The following NDC1 variants were observed in gnomAD, a reference collection of about 807,000 sequenced individuals.
NDC1 encodes NDC1 transmembrane nucleoporin, also known as nucleoporin NDC1.
A neutral mutation model predicts 89.8 loss-of-function variants in NDC1; 24 were observed. The ratio of observed to expected loss-of-function variants is 0.27; its 90% CI spans 0.19 to 0.38. The LOEUF is 0.38. Ranked by LOEUF, NDC1 falls within the 10% of genes least tolerant of loss-of-function variation. The pLI is 1.00. For synonymous variants in NDC1, 296 were observed against 284.8 expected, an observed-to-expected ratio of 1.04 and a Z score of -0.39; for missense variants, 728 against 797.6, an observed-to-expected ratio of 0.91 and a Z score of 1.05.
At chr1:53,771,469 G>A (rs1343323929) in intron 17 of NDC1, among the ~76,000 whole-genome samples, 1 of 152,152 alleles carries the variant, frequency 6.6e-6, no homozygotes, top group Non-Finnish European at 1.5e-5. Context: ...AGTTCTAAGT[G>A]TATTGTCTAG....
Position 53,765,564 on chromosome 1 carries a change from C to T in NDC1, c.*2406G>A, listed in dbSNP as rs1300536824. 6.6e-6 allele frequency: 1 copy of T among 152,100 alleles called. No individual in the cohort carries two copies. The highest frequency in any genetic ancestry group is 2.4e-5 in the African/African-American group (1 of 41,410). 9.4% of individuals were successfully genotyped at this position (152,100 alleles called of 1,614,324 possible). On this transcript the variant is annotated 3_prime_UTR_variant, in exon 18 of 18. Transcript: ENST00000371429. ...ATAAACAGACTATCATGAATATTTA[C>T]AGGATGACACACCAAACAATTACCA...
intron 17 of NDC1, among the ~76,000 whole-genome samples, chr1:53,769,617 C>T (rs1266873179): frequency 1.3e-5 from 2 of 152,184 alleles, no homozygotes; most frequent in Admixed American, 6.5e-5. Flanking sequence ...ATTTTCAGAG[C>T]TCAAGAGCTA....
At chr1:53,794,304 C>T (rs556613830) in intron 13 of NDC1, among the ~76,000 whole-genome samples, 11 of 152,178 alleles carry the variant, frequency 7.2e-5, no homozygotes, top group Admixed American at 3.9e-4. Flanking sequence ...TTGACAATTC[C>T]GGGGGAAAAA....
chr1:53,796,579 A>AT lies in NDC1; in HGVS notation c.1584+109dup, dbSNP rs1257687465. 66 of 624,260 alleles carry AT rather than the reference A, an allele frequency of 1.1e-4. No homozygotes were observed. In the East Asian group the frequency reaches 1.4e-3, roughly 13 times the overall value. The allele number at this position is 624,260 out of a possible 1,614,324, so 38.7% of individuals were successfully genotyped here. On this transcript the variant is annotated intron_variant, in intron 13 of 17. Coordinates refer to ENST00000371429, the MANE Select transcript of NDC1 (RefSeq NM_018087.5). ...TTTCATTTGAGTCAATACACGAAGC[A>AT]TAAAAAAAAAAAAAAAAAAGCTTCT...
rs746836479 is a variant in NDC1, at chr1:53,796,677, A to G, written c.1584+12T>C. 5.2e-6 allele frequency: 8 copies of G among 1,527,124 alleles called. No individual in the cohort carries two copies. The highest frequency in any genetic ancestry group is 7.2e-6 in the Non-Finnish European group (8 of 1,117,622). The allele number at this position is 1,527,124 out of a possible 1,614,324, so 94.6% of individuals were successfully genotyped here. A position where few individuals can be genotyped will look rare whatever the true frequency, so the allele number is the denominator to read the frequency against. The stretch of plus-strand genomic sequence containing the variant: ...ACATGCAAATATAAATCCTATAACC[A>G]TATCATCCTACCTGTTCACGTTTAT... On this transcript the variant is annotated intron_variant, in intron 13 of 17. Coordinates refer to ENST00000371429, the MANE Select transcript of NDC1 (RefSeq NM_018087.5).
In NDC1 at chr1:53,793,241, A is replaced by G; in HGVS notation, c.1623T>C (p.Tyr541=). Residue 541 remains tyrosine, a synonymous_variant, in exon 14 of 18, where the codon TAT becomes TAC. Coordinates refer to ENST00000371429, the MANE Select transcript of NDC1 (RefSeq NM_018087.5). ...CACATATTCTTACCTTACTGAAAAA[A>G]TACATTATCAGCACCCGTTTTGACA... ...NFLSKRVLIM[Y]FFSKHPEASI... 1.9e-6 allele frequency: 3 copies of G among 1,611,612 alleles called. No individual in the cohort carries two copies. The highest frequency in any genetic ancestry group is 2.5e-6 in the Non-Finnish European group (3 of 1,177,670).
intron 5 of NDC1, among the ~76,000 whole-genome samples, chr1:53,825,548 G>A (rs1648826366): frequency 6.6e-6 from 1 of 152,054 alleles, no homozygotes; most frequent in African/African-American, 2.4e-5. Context: ...TACCTAGCAG[G>A]GAGGGAAACA....
intron 16 of NDC1, among the ~76,000 whole-genome samples, chr1:53,785,782 C>A (rs1647288162): frequency 6.6e-6 from 1 of 152,022 alleles, no homozygotes; most frequent in Non-Finnish European, 1.5e-5. Context: ...CATCATGTTG[C>A]CCAGGCTTCT....
At chr1:53,772,664 AACAT>A (rs1647125823) in intron 16 of NDC1, among the ~76,000 whole-genome samples, 175 bp from the exon 17 acceptor site, 1 of 70,750 alleles carries the variant, frequency 1.4e-5, no homozygotes, top group African/African-American at 4.3e-5. Context: ...GTCTCAAAAT[AACAT>A]AACATAACAT....
intron 6 of NDC1, among the ~76,000 whole-genome samples, chr1:53,810,661 C>T (rs575848715): frequency 6.6e-5 from 10 of 152,220 alleles, no homozygotes; most frequent in African/African-American, 2.4e-4. Flanking sequence ...TCCCAGTACT[C>T]TGGGAGGCCA....
intron 11 of NDC1, among the ~76,000 whole-genome samples, chr1:53,800,332 C>CTTTTTTTTTT: frequency 1.2e-5 from 1 of 80,646 alleles, no homozygotes; most frequent in Non-Finnish European, 2.2e-5. Context: ...CTACAGTCAT[C>CTTTTTTTTTT]TTTTTTTTTT....
In NDC1 at chr1:53,772,696, CAT is replaced by C. The variant is rs1647126641; in HGVS notation, c.1801-209_1801-208del. Among the ~76,000 whole-genome samples the C allele has an allele frequency of 5.3e-5, 8 of 151,252 alleles. 1 individual carries two copies. In the South Asian group the frequency reaches 1.7e-3, roughly 32 times the overall value. On this transcript the variant is annotated intron_variant, in intron 16 of 17. Coordinates refer to ENST00000371429, the MANE Select transcript of NDC1 (RefSeq NM_018087.5). ...CATAACATAACATAACATAACATAA[CAT>C]AACATAACATAACATAACATAACAA...
chr1:53,804,475 ATTT>A, intron 9 of NDC1, among the ~76,000 whole-genome samples: 2 of 150,334 alleles, frequency 1.3e-5, no homozygotes, highest in African/African-American at 4.9e-5. Flanking sequence ...GTGATACCTA[ATTT>A]TTTTTTTCCT....
intron 5 of NDC1, among the ~76,000 whole-genome samples, chr1:53,821,399 C>T (rs145049604): frequency 7.2e-5 from 11 of 152,056 alleles, no homozygotes; most frequent in African/African-American, 1.9e-4. Context: ...GCCGAGACTG[C>T]GCCACTGCAC....
intron 10 of NDC1, among the ~76,000 whole-genome samples, chr1:53,803,127 A>G (rs1055198003): frequency 2.0e-5 from 3 of 152,088 alleles, no homozygotes; most frequent in Non-Finnish European, 4.4e-5. Context: ...GTACAGTGGC[A>G]CAATCTTGGC....
chr1:53,836,396 T>A (rs539540981), intron 1 of NDC1, among the ~76,000 whole-genome samples: 1 of 136,762 alleles, frequency 7.3e-6, no homozygotes, highest in East Asian at 2.1e-4. Context: ...AAAAATTTTT[T>A]AAAAATTAGC....
intron 6 of NDC1, among the ~76,000 whole-genome samples, chr1:53,811,246 C>T (rs1239670792): frequency 6.6e-6 from 1 of 152,166 alleles, no homozygotes; most frequent in East Asian, 1.9e-4. Context: ...AACTTTGTAA[C>T]AATTTAAATG....
chr1:53,819,032 T>A lies in NDC1; in HGVS notation c.642A>T (p.Lys214Asn). 5 of 1,583,518 alleles carry A rather than the reference T, an allele frequency of 3.2e-6. No individual in the cohort carries two copies. The South Asian group carries it at 5.9e-5, about 19-fold the overall frequency. Reference sequence around the variant, plus strand: ...GGAACAGTGATTCCACACAACTGTGTTTAACTAATAAGAGCAGAGATCTCC... The same window carrying A: ...GGAACAGTGATTCCACACAACTGTGATTAACTAATAAGAGCAGAGATCTCC... ...RFRRSLLLLV[K>N]HSCVESLFLV... is the part of the protein sequence containing the mutation. The change falls in exon 6 of 18, where the codon AAA (lysine) becomes AAT (asparagine). Residue 214 changes from lysine (K) to asparagine (N), a missense_variant. Transcript: ENST00000371429.
At chr1:53,821,436 G>A (rs1320715055) in intron 5 of NDC1, among the ~76,000 whole-genome samples, 1 of 152,120 alleles carries the variant, frequency 6.6e-6, no homozygotes, top group Non-Finnish European at 1.5e-5. Flanking sequence ...GAGCGAGACT[G>A]TCTCAAAAAG....
Sources: allele counts gnomAD v4.1 joint callset (sites outside exome capture counted in the v4.1 genomes callset), GRCh38; gene constraint gnomAD v4.1.1; transcripts MANE v1.5; gene names NCBI Gene and HGNC (gene_info 2026-07-23, HGNC 2026-07-21).